Variants in TBC1D8 observed in about 807,000 individuals in gnomAD.
TBC1D8 encodes the protein TBC1 domain family member 8, also known as BUB2-like protein 1.
TBC1D8 carries 65 observed loss-of-function variants against 118.8 expected under a neutral mutation model. The observed-to-expected ratio is 0.55, with a 90% CI of 0.45 to 0.67. TBC1D8 has a LOEUF of 0.67. TBC1D8 is among the 30% of genes least tolerant of loss of function. The probability of loss-of-function intolerance (pLI) is 0.00; values close to 1 mark genes in which losing one functional copy is unlikely to be tolerated. For missense variants in TBC1D8, 1,376 were observed against 1,471.2 expected, an observed-to-expected ratio of 0.94 and a Z score of 1.06; for synonymous variants, 566 against 595.8, an observed-to-expected ratio of 0.95 and a Z score of 0.73.
chr2:101,069,917 CTTT>C (rs58885143), intron 2 of TBC1D8, among the ~76,000 whole-genome samples: 2 of 142,458 alleles, frequency 1.4e-5, no homozygotes, highest in African/African-American at 5.2e-5. Context: ...AGCATGTTTA[CTTT>C]TTTTTTTTTT....
At chr2:101,136,174 G>A (rs774671128) in intron 1 of TBC1D8, among the ~76,000 whole-genome samples, 4 of 152,098 alleles carry the variant, frequency 2.6e-5, no homozygotes, top group Non-Finnish European at 5.9e-5. Flanking sequence ...TTGATCTCCA[G>A]TGTTAGAGGT....
intron 3 of TBC1D8, among the ~76,000 whole-genome samples, chr2:101,058,891 TAA>T (rs754754828): frequency 3.5e-5 from 5 of 142,470 alleles, no homozygotes; most frequent in Non-Finnish European, 6.0e-5. Flanking sequence ...AGTCTGAGAA[TAA>T]AGTCTTTTTT....
At chr2:101,046,431 C>G (rs1233618074) in intron 5 of TBC1D8, among the ~76,000 whole-genome samples, 2 of 152,176 alleles carry the variant, frequency 1.3e-5, no homozygotes, top group Non-Finnish European at 2.9e-5. Flanking sequence ...TAGAGAGAAC[C>G]ACCTAAGCCA....
chr2:101,033,246 A>G, intron 10 of TBC1D8: 1 of 405,766 alleles, frequency 2.5e-6, no homozygotes. Context: ...CCTCCTGAGT[A>G]GCTGGGATTA....
intron 1 of TBC1D8, among the ~76,000 whole-genome samples, chr2:101,140,918 T>G (rs757298285): frequency 1.9e-4 from 29 of 152,052 alleles, no homozygotes; most frequent in Non-Finnish European, 3.4e-4. Flanking sequence ...TGCGCCACCA[T>G]GCCTGGCTAA....
intron 19 of TBC1D8, among the ~76,000 whole-genome samples, chr2:101,010,028 A>G (rs934444370): frequency 2.6e-5 from 4 of 151,452 alleles, no homozygotes; most frequent in Admixed American, 6.6e-5. Context: ...GGGTTTCACC[A>G]TGTTAGCCAG....
intron 5 of TBC1D8, among the ~76,000 whole-genome samples, chr2:101,046,882 A>C (rs570214263): frequency 1.3e-5 from 2 of 152,266 alleles, no homozygotes; most frequent in South Asian, 4.1e-4. Context: ...CACCGCTTTA[A>C]TTCAGCTCTC....
chr2:101,135,112 C>T (rs1268239088), intron 1 of TBC1D8, among the ~76,000 whole-genome samples: 2 of 152,132 alleles, frequency 1.3e-5, no homozygotes, highest in Non-Finnish European at 2.9e-5. Flanking sequence ...GCAGAGCTTG[C>T]AGTGAGCCGA....
chr2:101,107,655 C>G (rs1677308537), intron 1 of TBC1D8, among the ~76,000 whole-genome samples: 2 of 152,136 alleles, frequency 1.3e-5, no homozygotes, highest in South Asian at 4.1e-4. Flanking sequence ...GATTTGGTTT[C>G]TACTACCATG....
chr2:101,144,220 C>A (rs1482592527), intron 1 of TBC1D8, among the ~76,000 whole-genome samples: 2 of 152,168 alleles, frequency 1.3e-5, no homozygotes, highest in Admixed American at 6.5e-5. Context: ...GAGAGAGGGG[C>A]ACAGACCTAT....
In TBC1D8 at chr2:101,040,527, TG is replaced by T. The variant is rs1199311927; in HGVS notation, c.873-143del. Reference sequence around the variant, plus strand: ...CTCTGTCGCCCAGGATGGAGTGCAGTGGTGCGAGCTCAGCTCACTGCAACCT... The same window carrying T: ...CTCTGTCGCCCAGGATGGAGTGCAGTGTGCGAGCTCAGCTCACTGCAACCT... On this transcript the variant is annotated intron_variant, in intron 5 of 19. Transcript: ENST00000409318. The T allele has an allele frequency of 5.0e-5, 40 of 805,650 alleles. No homozygotes were observed. The South Asian group carries it at 7.1e-4, about 14-fold the overall frequency. The allele number at this position is 805,650 out of a possible 1,614,324, so 49.9% of individuals were successfully genotyped here.
intron 7 of TBC1D8, 149 bp downstream of exon 7, chr2:101,038,312 G>A: frequency 1.0e-6 from 1 of 952,470 alleles, no homozygotes; most frequent in Non-Finnish European, 1.6e-6. Context: ...ACCCTCTCAG[G>A]ACAGCCGGCA....
chr2:101,041,779 C>T (rs1247216289), intron 5 of TBC1D8, among the ~76,000 whole-genome samples: 2 of 151,926 alleles, frequency 1.3e-5, no homozygotes, highest in African/African-American at 4.8e-5. Flanking sequence ...AATCTCAGCA[C>T]TTTGGGAGGC....
intron 1 of TBC1D8, among the ~76,000 whole-genome samples, chr2:101,131,960 T>C (rs1678612947): frequency 6.6e-6 from 1 of 152,236 alleles, no homozygotes; most frequent in Admixed American, 6.5e-5. Flanking sequence ...AGGTATATTT[T>C]ACATCTTGTT....
chr2:101,113,813 G>A (rs1259990341), intron 1 of TBC1D8, among the ~76,000 whole-genome samples: 4 of 152,192 alleles, frequency 2.6e-5, no homozygotes, highest in South Asian at 2.1e-4. Context: ...ATAAAAAAAC[G>A]GTTGCTCTGC....
At chr2:101,049,845 G>C (rs1355834007) in intron 5 of TBC1D8, among the ~76,000 whole-genome samples, 1 of 145,964 alleles carries the variant, frequency 6.9e-6, no homozygotes, top group Non-Finnish European at 1.5e-5. Context: ...TTTTTTTTTT[G>C]AGACGGAGTC....
At chr2:101,023,665 A>G in intron 15 of TBC1D8, 1 of 419,242 alleles carries the variant, frequency 2.4e-6, no homozygotes, top group South Asian at 1.8e-5. Flanking sequence ...GAATAGACTG[A>G]AAACTAACAA....
intron 2 of TBC1D8, chr2:101,068,544 T>A (rs1683139231): frequency 9.3e-6 from 5 of 540,028 alleles, no homozygotes; most frequent in Non-Finnish European, 1.7e-5. Context: ...AAACCCAAAC[T>A]TTTACCCTTA....
intron 1 of TBC1D8, among the ~76,000 whole-genome samples, chr2:101,099,052 CAA>C (rs59820485): frequency 6.6e-4 from 80 of 120,456 alleles, no homozygotes; most frequent in African/African-American, 2.1e-3. Context: ...AAAAACCATC[CAA>C]AAAAAAAAAA....
Sources: allele counts gnomAD v4.1 joint callset (sites outside exome capture counted in the v4.1 genomes callset), GRCh38; gene constraint gnomAD v4.1.1; transcripts MANE v1.5; gene names NCBI Gene and HGNC (gene_info 2026-07-23, HGNC 2026-07-21).